Variants in AXDND1 observed in about 807,000 individuals in gnomAD.
The protein encoded by AXDND1 is axonemal dynein light chain domain-containing protein 1.
In AXDND1, 110 loss-of-function variants were observed where a neutral mutation model predicts 137.5. That is an observed-to-expected ratio of 0.80 (90% CI 0.69 to 0.94). The LOEUF (loss-of-function observed/expected upper bound fraction) is 0.94. Ranked by LOEUF, AXDND1 falls within the 40% of genes least tolerant of loss-of-function variation. The pLI, the probability that AXDND1 is intolerant of heterozygous loss-of-function variation, is 0.00. For missense variants in AXDND1, 1,191 were observed against 1,169.8 expected, an observed-to-expected ratio of 1.02 and a Z score of -0.26; for synonymous variants, 414 against 399.7, an observed-to-expected ratio of 1.04 and a Z score of -0.43.
chr1:179,398,420 G>A (rs896652154), intron 11 of AXDND1, among the ~76,000 whole-genome samples: 5 of 152,204 alleles, frequency 3.3e-5, no homozygotes, highest in African/African-American at 1.2e-4. Context: ...GGTGGTGTCA[G>A]CCAAAGCCTT....
chr1:179,375,422 A>T (rs948897462), intron 4 of AXDND1, among the ~76,000 whole-genome samples: 1 of 151,808 alleles, frequency 6.6e-6, no homozygotes, highest in African/African-American at 2.4e-5. Context: ...TTCTTTAATT[A>T]TATGTTTGTG....
At chr1:179,448,278 C>T (rs1251075031) in intron 16 of AXDND1, 1 of 773,948 alleles carries the variant, frequency 1.3e-6, no homozygotes, top group East Asian at 2.5e-5. Flanking sequence ...CATATCAGTG[C>T]TAGCATATTG....
rs1044469482 is a variant in AXDND1 at position 179,382,132 on chromosome 1, G to A, written c.582-568G>A. Among the ~76,000 whole-genome samples the A allele has an allele frequency of 2.0e-5, 3 of 151,296 alleles. No homozygotes were observed. The East Asian group carries it at 5.8e-4, about 29-fold the overall frequency. On this transcript the variant is annotated intron_variant, in intron 6 of 25. Coordinates refer to ENST00000367618, the MANE Select transcript of AXDND1 (RefSeq NM_144696.6). ...AGTCTCGCTCTGTCATGGGTGGAGT[G>A]CAGTGGCACGATCTCTGCTCACTGC...
At chr1:179,385,429 T>C in intron 9 of AXDND1, 70 bp downstream of exon 9, 1 of 1,557,622 alleles carries the variant, frequency 6.4e-7, no homozygotes, top group Non-Finnish European at 8.8e-7. Flanking sequence ...TATATCTACT[T>C]TTGAGAATGC....
chr1:179,383,895 G>A (rs564490747), intron 8 of AXDND1, among the ~76,000 whole-genome samples: 1 of 151,870 alleles, frequency 6.6e-6, no homozygotes, highest in African/African-American at 2.4e-5. Context: ...ACACTGCCAG[G>A]TATATTTTTA....
At chr1:179,552,709 G>GGT (rs1477212686) in intron 25 of AXDND1, 2 of 1,580,536 alleles carry the variant, frequency 1.3e-6, no homozygotes, top group Non-Finnish European at 1.7e-6. Flanking sequence ...CAGGTATGTA[G>GGT]GTGTGCAGCC....
rs776518075 is a variant in AXDND1, at chr1:179,533,833, T to A, written c.2754T>A (p.Tyr918Ter). ...AGCAAGGTACATTGGCCCAAAAATA[T>A]CTTGAAGCAATGGCTGTAATTGAAC... ...SAKQGTLAQK[Y>*]LEAMAVIEHM... Residue 918 changes from tyrosine (Y) to a stop codon, truncating the protein, a stop_gained, in exon 24 of 26, where the codon TAT becomes TAA. Coordinates refer to ENST00000367618, the MANE Select transcript of AXDND1 (RefSeq NM_144696.6). LOFTEE classifies it high-confidence loss of function. 1 of 1,613,378 alleles carries A rather than the reference T, an allele frequency of 6.2e-7. No individual in the cohort carries two copies. The highest frequency in any genetic ancestry group is 8.5e-7 in the Non-Finnish European group (1 of 1,179,480).
intron 16 of AXDND1, among the ~76,000 whole-genome samples, chr1:179,446,739 T>C (rs1248705916): frequency 7.9e-5 from 12 of 152,226 alleles, no homozygotes. Flanking sequence ...TAATATGTTC[T>C]GAATACAAGT....
intron 14 of AXDND1, among the ~76,000 whole-genome samples, chr1:179,431,567 T>G (rs1657385458): frequency 6.6e-6 from 1 of 152,036 alleles, no homozygotes; most frequent in Non-Finnish European, 1.5e-5. Context: ...AAGGTTTTTT[T>G]TTTTTTTTAA....
intron 20 of AXDND1, among the ~76,000 whole-genome samples, chr1:179,501,956 T>G (rs1237951333): frequency 6.6e-6 from 1 of 152,152 alleles, no homozygotes; most frequent in Non-Finnish European, 1.5e-5. Context: ...GTTCATAATT[T>G]TGATTACCTT....
Position 179,385,488 on chromosome 1 carries a change from A to AT in AXDND1, c.863+138dup, listed in dbSNP as rs565266822. On this transcript the variant is annotated intron_variant, in intron 9 of 25. Coordinates refer to ENST00000367618, the MANE Select transcript of AXDND1 (RefSeq NM_144696.6). ...TACTGATCGTAAGTAATCTAACTGC[A>AT]TTTTTTTTTCTTTTTTGTTAATATA... 5,898 of 1,059,838 alleles carry AT rather than the reference A, an allele frequency of 5.6e-3. 20 individuals are homozygous for AT. Among genetic ancestry groups the AT allele is most frequent in the Non-Finnish European group, 6.7e-3 (4,781 of 717,330 alleles). The allele number at this position is 1,059,838 out of a possible 1,614,324, so 65.7% of individuals were successfully genotyped here.
intron 17 of AXDND1, among the ~76,000 whole-genome samples, chr1:179,473,616 A>G (rs72721222): frequency 1.3e-5 from 2 of 151,960 alleles, no homozygotes; most frequent in Admixed American, 1.3e-4. Flanking sequence ...TGCACATTAC[A>G]TCTCTTAATA....
At chr1:179,516,739 A>C (rs1669574216) in intron 21 of AXDND1, among the ~76,000 whole-genome samples, 1 of 152,108 alleles carries the variant, frequency 6.6e-6, no homozygotes, top group African/African-American at 2.4e-5. Flanking sequence ...TGGTCTAGCC[A>C]CCCAGCAAGC....
At chr1:179,365,760 T>C (rs1667322026), upstream of AXDND1, 1 of 152,510 alleles carries the variant, frequency 6.6e-6, no homozygotes, top group South Asian at 2.1e-4. Flanking sequence ...CGTGAGACAC[T>C]TTCGGATTCC....
At chr1:179,378,537 C>T (rs1647669030) in intron 4 of AXDND1, 100 bp from the exon 5 acceptor site, 2 of 903,180 alleles carry the variant, frequency 2.2e-6, no homozygotes, top group African/African-American at 1.7e-5. Flanking sequence ...ACACAGAGGA[C>T]CATCTTACCC....
At chr1:179,404,772 G>C (rs1229086644) in intron 11 of AXDND1, among the ~76,000 whole-genome samples, 1 of 152,106 alleles carries the variant, frequency 6.6e-6, no homozygotes, top group Non-Finnish European at 1.5e-5. Context: ...TGGCTTTGCA[G>C]AATCAGTTAA....
At chr1:179,401,597 C>A (rs1005287994) in intron 11 of AXDND1, among the ~76,000 whole-genome samples, 1 of 151,840 alleles carries the variant, frequency 6.6e-6, no homozygotes, top group African/African-American at 2.4e-5. Flanking sequence ...GTGTCCCCAC[C>A]CAAATATTGT....
chr1:179,468,807 T>G (rs1458300660), intron 17 of AXDND1, 166 bp downstream of exon 17: 2 of 495,124 alleles, frequency 4.0e-6, no homozygotes, highest in African/African-American at 2.0e-5. Flanking sequence ...TTTCATCACC[T>G]CAAAAAGAAG....
chr1:179,438,658 A>T (rs953063849), intron 15 of AXDND1, among the ~76,000 whole-genome samples: 1 of 152,240 alleles, frequency 6.6e-6, no homozygotes, highest in South Asian at 2.1e-4. Context: ...AGGAATCCGT[A>T]GCCCAGGGAT....
Sources: allele counts gnomAD v4.1 joint callset (sites outside exome capture counted in the v4.1 genomes callset), GRCh38; gene constraint gnomAD v4.1.1; transcripts MANE v1.5; gene names NCBI Gene and HGNC (gene_info 2026-07-23, HGNC 2026-07-21).